SEC14L1: variants seen among roughly 807,000 people sequenced by gnomAD.
SEC14L1 encodes the protein SEC14 like lipid binding 1, also known as SEC14-like protein 1.
A neutral mutation model predicts 85.3 loss-of-function variants in SEC14L1; 48 were observed. That is an observed-to-expected ratio of 0.56 (90% CI 0.45 to 0.72). SEC14L1 has a LOEUF of 0.72. Among genes scored for constraint, SEC14L1 ranks in the 30% least tolerant of loss-of-function variants. The pLI is 0.00. For synonymous variants in SEC14L1, 391 were observed against 355.5 expected, an observed-to-expected ratio of 1.10 and a Z score of -1.12; for missense variants, 682 against 921.4, an observed-to-expected ratio of 0.74 and a Z score of 3.36.
intron 3 of SEC14L1, among the ~76,000 whole-genome samples, chr17:77,147,022 G>A (rs564118906): frequency 3.9e-5 from 6 of 152,308 alleles, no homozygotes; most frequent in African/African-American, 9.6e-5. Flanking sequence ...GAACGGAACC[G>A]TAGCTTCCGC....
At chr17:77,132,945 C>T (rs1397362843) in intron 3 of SEC14L1, among the ~76,000 whole-genome samples, 1 of 151,866 alleles carries the variant, frequency 6.6e-6, no homozygotes, top group East Asian at 1.9e-4. Flanking sequence ...TCACTGCAGC[C>T]TCAAACTCCT....
intron 3 of SEC14L1, 131 bp downstream of exon 3, chr17:77,143,790 G>A (rs1973158955): frequency 1.5e-6 from 1 of 660,928 alleles, no homozygotes; most frequent in Non-Finnish European, 2.6e-6. Flanking sequence ...TTATGCTTAT[G>A]AACCGTATCT....
chr17:77,112,347 G>A (rs1048364145), intron 3 of SEC14L1, among the ~76,000 whole-genome samples: 16 of 151,994 alleles, frequency 1.1e-4, no homozygotes, highest in African/African-American at 3.9e-4. Flanking sequence ...GCCAATCACA[G>A]GTATATAATA....
chr17:77,125,429 A>AG (rs1036494577), intron 3 of SEC14L1, among the ~76,000 whole-genome samples: 11 of 145,180 alleles, frequency 7.6e-5, no homozygotes, highest in African/African-American at 3.0e-4. Flanking sequence ...CTGAAGTTGC[A>AG]GGTTTTTTTT....
At chr17:77,106,874 A>G (rs996025278) in intron 3 of SEC14L1, among the ~76,000 whole-genome samples, 2 of 152,184 alleles carry the variant, frequency 1.3e-5, no homozygotes, top group East Asian at 1.9e-4. Context: ...GGTTCTCAGG[A>G]GAGAAATAGG....
At position 77,206,448 on chromosome 17, in the gene SEC14L1, G is replaced by A. The variant is rs1341883352; in HGVS notation, c.1341+48G>A. On this transcript the variant is annotated intron_variant, in intron 12 of 16. Transcript: ENST00000436233. This position sits in a 1 kb window ranked among gnomAD's most constrained non-coding sequence, Gnocchi z 4.3. ...GTAACTGTGAGCCATTTGGAAAGCA[G>A]ATAACATGCATTCATATACACGTGT... 6.3e-7 allele frequency: 1 copy of A among 1,584,980 alleles called. No individual in the cohort carries two copies. Among genetic ancestry groups the A allele is most frequent in the Non-Finnish European group, 8.6e-7 (1 of 1,158,764 alleles).
chr17:77,205,339 C>T lies in SEC14L1; in HGVS notation c.1162C>T (p.Pro388Ser). The T allele has an allele frequency of 6.2e-7, 1 of 1,613,744 alleles. No homozygotes were observed. The highest frequency in any genetic ancestry group is 8.5e-7 in the Non-Finnish European group (1 of 1,179,694). Residue 388 changes from proline to serine, a missense_variant, in exon 11 of 17, where the codon CCT becomes TCT. Pro to Ser is a moderately conservative substitution (Grantham distance 74). Coordinates refer to ENST00000436233, the MANE Select transcript of SEC14L1 (RefSeq NM_001143998.2). ...AGAGAATACAAAAGTCTTTGGTCGGCCTATCAGGTAGATGTGGGATTTTGT... is the reference window on the plus strand; with the variant it reads ...AGAGAATACAAAAGTCTTTGGTCGGTCTATCAGGTAGATGTGGGATTTTGT... ...CEENTKVFGR[P>S]ISSWTCLVDL...
chr17:77,143,425 C>T (rs1973144475), intron 2 of SEC14L1, 142 bp from the exon 3 acceptor site: 1 of 551,126 alleles, frequency 1.8e-6, no homozygotes, highest in African/African-American at 1.9e-5. Context: ...TAAATATCAT[C>T]TTTTCATTTT....
At chr17:77,202,826 A>T (rs1359777376) in intron 9 of SEC14L1, among the ~76,000 whole-genome samples, 1 of 151,502 alleles carries the variant, frequency 6.6e-6, no homozygotes, top group Non-Finnish European at 1.5e-5. Flanking sequence ...AGGCTGAGGC[A>T]GGAGAATTGC....
intron 4 of SEC14L1, 46 bp downstream of exon 4, chr17:77,190,998 G>A: frequency 3.1e-6 from 5 of 1,603,632 alleles, no homozygotes; most frequent in Non-Finnish European, 4.3e-6. Context: ...CGTCCTGGTG[G>A]GAGAGGGCGT....
At chr17:77,143,001 C>T (rs1217114531) in intron 2 of SEC14L1, among the ~76,000 whole-genome samples, 1 of 152,248 alleles carries the variant, frequency 6.6e-6, no homozygotes, top group African/African-American at 2.4e-5. Context: ...CACTCGAAGA[C>T]AGGTCGCCAA....
intron 5 of SEC14L1, among the ~76,000 whole-genome samples, chr17:77,191,741 C>T (rs1482808899): frequency 1.3e-5 from 2 of 151,608 alleles, no homozygotes; most frequent in Non-Finnish European, 2.9e-5. Flanking sequence ...TGGGGTTTCA[C>T]CGTGTTGGCC....
intron 3 of SEC14L1, among the ~76,000 whole-genome samples, chr17:77,118,124 C>T (rs951248809): frequency 1.3e-5 from 2 of 152,266 alleles, no homozygotes; most frequent in African/African-American, 2.4e-5. Flanking sequence ...ATGCCAGTGT[C>T]CCAGTAGCTG....
At chr17:77,139,750 G>A (rs1157529594), upstream of SEC14L1, among the ~76,000 whole-genome samples, 1 of 151,842 alleles carries the variant, frequency 6.6e-6, no homozygotes, top group Non-Finnish European at 1.5e-5. Flanking sequence ...CGCCCACCTC[G>A]GCCTCCCAAA....
chr17:77,138,509 G>A (rs1972858208), upstream of SEC14L1, among the ~76,000 whole-genome samples: 1 of 152,150 alleles, frequency 6.6e-6, no homozygotes, highest in African/African-American at 2.4e-5. Flanking sequence ...CTACTCGGGA[G>A]GCTGAGGCAG....
chr17:77,170,085 C>T (rs1974460481), intron 3 of SEC14L1, among the ~76,000 whole-genome samples: 1 of 152,140 alleles, frequency 6.6e-6, no homozygotes, highest in South Asian at 2.1e-4. Flanking sequence ...GGCCAGCTGT[C>T]TTTGGCTTTG....
intron 14 of SEC14L1, 106 bp from the exon 15 acceptor site, chr17:77,211,844 C>A (rs1387486882): frequency 6.9e-7 from 1 of 1,453,090 alleles, no homozygotes; most frequent in Admixed American, 1.9e-5. Context: ...TTTCCCTCCC[C>A]AGCTTCAGCA....
chr17:77,132,767 G>A (rs2143452877), intron 3 of SEC14L1, among the ~76,000 whole-genome samples: 1 of 152,248 alleles, frequency 6.6e-6, no homozygotes, highest in Middle Eastern at 3.4e-3. Flanking sequence ...GGGCTCTGGA[G>A]GCTGAAATTT....
At chr17:77,138,885 T>A (rs1972872867), upstream of SEC14L1, among the ~76,000 whole-genome samples, 1 of 152,218 alleles carries the variant, frequency 6.6e-6, no homozygotes, top group Admixed American at 6.5e-5. Flanking sequence ...TGTTTTTTCT[T>A]CAAAATGTTT....
Sources: gnomAD v4.1 joint callset for allele counts (sites outside exome capture counted in the v4.1 genomes callset) on GRCh38, gnomAD v4.1.1 for gene constraint, Gnocchi (gnomAD v3.1) non-coding constraint, MANE v1.5 for transcripts, NCBI Gene and HGNC (gene_info 2026-07-23, HGNC 2026-07-21) for gene names.